SCML2: variants seen among roughly 807,000 people sequenced by gnomAD.
SCML2 encodes Scm polycomb group protein like 2, also known as sex comb on midleg-like protein 2.
A neutral mutation model predicts 48.4 loss-of-function variants in SCML2; 6 were observed. The observed-to-expected ratio is 0.12, with a 90% CI of 0.07 to 0.24. The LOEUF (loss-of-function observed/expected upper bound fraction) is 0.24, where lower values mean the gene tolerates loss of function less well. SCML2 is among the 10% of genes least tolerant of loss of function. The pLI, the probability that SCML2 is intolerant of heterozygous loss-of-function variation, is 1.00. For missense variants in SCML2, 377 were observed against 528.2 expected (o/e 0.71, Z 2.81); for synonymous variants, 181 against 189.5 (o/e 0.95, Z 0.37).
At chrX:18,262,813 A>G (rs1927119689) in intron 8 of SCML2, among the ~76,000 whole-genome samples, 1 of 108,609 alleles carries the variant, frequency 9.2e-6, no homozygotes, top group African/African-American at 3.5e-5. Context: ...CCTAGGCTCA[A>G]GCAACTCTGC....
At chrX:18,325,825 C>T (rs763756126) in intron 3 of SCML2, among the ~76,000 whole-genome samples, 1 of 111,877 alleles carries the variant, frequency 8.9e-6, no homozygotes, top group Non-Finnish European at 1.9e-5. Flanking sequence ...TATACTCTTG[C>T]TAAATTTCCT....
Position 18,246,630 on chromosome X carries a change from G to C in SCML2, c.1769C>G (p.Ser590Cys). Reference sequence around the variant, plus strand: ...AACTTCATGGGGACTGCTCTTGGGGGATATGTCCCCAACTAGTGGTGAACT... The same window carrying C: ...AACTTCATGGGGACTGCTCTTGGGGCATATGTCCCCAACTAGTGGTGAACT... ...TTSSPLVGDI[S>C]PKSSPHEVKF... is the part of the protein sequence containing the mutation. The change falls in exon 13 of 15, where the codon TCC (serine) becomes TGC (cysteine). Residue 590 changes from serine (S) to cysteine (C), a missense_variant. This residue lies in a region of SCML2 where 299 missense variants were observed against 425.5 expected (regional missense o/e 0.70). Coordinates refer to ENST00000251900, the MANE Select transcript of SCML2 (RefSeq NM_006089.3). 1 of 1,209,056 alleles carries C rather than the reference G, an allele frequency of 8.3e-7. No homozygotes were observed. Among genetic ancestry groups the C allele is most frequent in the Non-Finnish European group, 1.1e-6 (1 of 893,237 alleles).
intron 6 of SCML2, among the ~76,000 whole-genome samples, chrX:18,314,828 C>A (rs1410274271): frequency 2.7e-5 from 3 of 111,346 alleles, no homozygotes; most frequent in Non-Finnish European, 5.6e-5. Context: ...GTGGCTCACA[C>A]CTGTAATCCC....
rs763211503 is a variant in SCML2 at position 18,254,796 on chromosome X, T to A, written c.1456+2052A>T. Among the ~76,000 whole-genome samples, 109 of 110,868 alleles carry A rather than the reference T, an allele frequency of 9.8e-4. 5 individuals carry two copies. The highest frequency in any genetic ancestry group is 6.7e-4 in the Admixed American group (7 of 10,422). ...AAAATTAGCCAGGCGTGGTGGCAGG[T>A]ACCTGCAATCCCAGCTATTCGGGAG... On this transcript the variant is annotated intron_variant, in intron 11 of 14. Transcript: ENST00000251900.
At position 18,301,708 on chromosome X, in the gene SCML2, T is replaced by A. The variant is rs369765146; in HGVS notation, c.730+3264A>T. Among the ~76,000 whole-genome samples the A allele has an allele frequency of 1.9e-4, 21 of 110,293 alleles. 1 individual carries two copies. In the East Asian group the frequency reaches 4.3e-3, roughly 23 times the overall value. ...GGATCAATTGCTTGCACCTGGAGAG[T>A]TGAAGCTGCAGTGAGCCATGATTGC... is the stretch of plus-strand genomic sequence containing the variant. On this transcript the variant is annotated intron_variant, in intron 7 of 14. Coordinates refer to ENST00000251900, the MANE Select transcript of SCML2 (RefSeq NM_006089.3).
chrX:18,303,875 T>C (rs1928670993), intron 7 of SCML2, among the ~76,000 whole-genome samples: 2 of 112,129 alleles, frequency 1.8e-5, no homozygotes, highest in African/African-American at 6.5e-5. Context: ...CTAACAGCCA[T>C]TGCAAGAATA....
At chrX:18,355,042 A>G (rs928229560), upstream of SCML2, among the ~76,000 whole-genome samples, 3 of 111,048 alleles carry the variant, frequency 2.7e-5, no homozygotes, top group African/African-American at 6.6e-5. Flanking sequence ...CCTGGCCACC[A>G]CCCACCCTGG....
intron 7 of SCML2, among the ~76,000 whole-genome samples, chrX:18,278,943 C>A (rs1242403382): frequency 8.9e-6 from 1 of 112,828 alleles, no homozygotes; most frequent in Admixed American, 9.3e-5. Flanking sequence ...TGAGCCAGGG[C>A]GGGAGCAGGG....
intron 11 of SCML2, among the ~76,000 whole-genome samples, chrX:18,253,688 G>A (rs375872702): frequency 3.6e-5 from 4 of 111,619 alleles, no homozygotes; most frequent in South Asian, 3.8e-4. Flanking sequence ...ACAGAAAGAC[G>A]TGTATAGAAT....
chrX:18,286,355 C>T (rs982918206), intron 7 of SCML2, among the ~76,000 whole-genome samples: 2 of 111,654 alleles, frequency 1.8e-5, no homozygotes, highest in Non-Finnish European at 1.9e-5. Flanking sequence ...CATATGTGAA[C>T]CTATTAAAAA....
chrX:18,331,122 T>C (rs998582346), intron 2 of SCML2, among the ~76,000 whole-genome samples: 2 of 108,834 alleles, frequency 1.8e-5, no homozygotes, highest in African/African-American at 6.7e-5. Context: ...TAGCCAGGCA[T>C]GGTGGCGGGC....
At chrX:18,295,795 T>A (rs1440182810) in intron 7 of SCML2, among the ~76,000 whole-genome samples, 1 of 111,861 alleles carries the variant, frequency 8.9e-6, no homozygotes, top group Non-Finnish European at 1.9e-5. Flanking sequence ...CAGCAAAACC[T>A]CACCACAGCC....
At chrX:18,294,373 G>C (rs936039022) in intron 7 of SCML2, among the ~76,000 whole-genome samples, 1 of 111,254 alleles carries the variant, frequency 9.0e-6, no homozygotes, top group Non-Finnish European at 1.9e-5. Context: ...AGGCTCTTCA[G>C]TGAGGGGAAA....
intron 9 of SCML2, among the ~76,000 whole-genome samples, chrX:18,258,990 G>A (rs1422654833): frequency 1.8e-5 from 2 of 111,190 alleles, no homozygotes; most frequent in Non-Finnish European, 3.8e-5. Flanking sequence ...GAAGCTGGGC[G>A]CAGTTGGTCA....
chrX:18,347,517 C>A (rs1342891289), intron 1 of SCML2, among the ~76,000 whole-genome samples: 1 of 106,021 alleles, frequency 9.4e-6, no homozygotes, highest in Non-Finnish European at 1.9e-5. Flanking sequence ...TCTGGGAATA[C>A]GAGGTGGGCA....
At chrX:18,332,411 G>T (rs1402723175) in intron 2 of SCML2, among the ~76,000 whole-genome samples, 1 of 112,002 alleles carries the variant, frequency 8.9e-6, no homozygotes, top group Admixed American at 9.6e-5. Flanking sequence ...CTTAAAGAAG[G>T]ATCTAAGAAT....
chrX:18,327,207 T>TAA (rs1190700531), intron 3 of SCML2, among the ~76,000 whole-genome samples: 1 of 101,331 alleles, frequency 9.9e-6, no homozygotes, highest in African/African-American at 3.6e-5. Context: ...CCGTTTCTAC[T>TAA]AAAAAAAAAA....
intron 7 of SCML2, among the ~76,000 whole-genome samples, chrX:18,270,316 C>T (rs944356683): frequency 1.8e-5 from 2 of 111,292 alleles, no homozygotes; most frequent in South Asian, 3.7e-4. Context: ...CATAAGCCAC[C>T]GCGCCCGGCC....
intron 5 of SCML2, among the ~76,000 whole-genome samples, chrX:18,320,847 A>T (rs1463217244): frequency 9.0e-6 from 1 of 111,549 alleles, no homozygotes; most frequent in Non-Finnish European, 1.9e-5. Flanking sequence ...TGTCAAACTC[A>T]GCACATATAC....
Sources: allele counts gnomAD v4.1 joint callset (sites outside exome capture counted in the v4.1 genomes callset), GRCh38; gene constraint gnomAD v4.1.1; regional missense constraint gnomAD v4.1.1; transcripts MANE v1.5; gene names NCBI Gene and HGNC (gene_info 2026-07-23, HGNC 2026-07-21).